The following DNAH12 variants were observed in gnomAD, a reference collection of about 807,000 sequenced individuals.
DNAH12 encodes dynein axonemal heavy chain 12.
In DNAH12, 285 loss-of-function variants were observed where a neutral mutation model predicts 371.5. That is an observed-to-expected ratio of 0.77 (90% CI 0.70 to 0.85). DNAH12 has a LOEUF of 0.85. Among genes scored for constraint, DNAH12 ranks in the 40% least tolerant of loss-of-function variants. The pLI, the probability that DNAH12 is intolerant of heterozygous loss-of-function variation, is 0.00. For synonymous variants in DNAH12, 1,200 were observed against 1,213.0 expected (o/e 0.99, Z 0.22); for missense variants, 3,611 against 3,689.4 (o/e 0.98, Z 0.55).
chr3:57,457,652 G>C, intron 22 of DNAH12, 69 bp downstream of exon 22: 4 of 1,431,562 alleles, frequency 2.8e-6, no homozygotes, highest in Non-Finnish European at 3.7e-6. Context: ...TTAATTTACT[G>C]GTTTCCAAAA....
chr3:57,408,716 G>A (rs1232440592), intron 39 of DNAH12, among the ~76,000 whole-genome samples, 181 bp from the exon 40 acceptor site: 138 of 150,982 alleles, frequency 9.1e-4, no homozygotes, highest in Non-Finnish European at 1.6e-3. Context: ...TCCCCTCAGT[G>A]ACTGATTCTG....
chr3:57,330,680 T>A (rs2062074824), intron 62 of DNAH12, among the ~76,000 whole-genome samples: 2 of 150,370 alleles, frequency 1.3e-5, no homozygotes, highest in Admixed American at 1.3e-4. Context: ...AACCTGCACA[T>A]TGTGCACATG....
At chr3:57,352,932 T>C (rs758607893) in intron 59 of DNAH12, among the ~76,000 whole-genome samples, 9 of 151,798 alleles carry the variant, frequency 5.9e-5, no homozygotes, top group Non-Finnish European at 1.0e-4. Flanking sequence ...CTACTAAAAA[T>C]ACAAAAATTA....
chr3:57,340,786 A>G (rs2062374704), intron 60 of DNAH12, among the ~76,000 whole-genome samples: 2 of 152,188 alleles, frequency 1.3e-5, no homozygotes, highest in South Asian at 4.1e-4. Context: ...AGGGGAGGGA[A>G]TTCTTCCAAA....
chr3:57,526,803 G>A (rs1424865181), intron 2 of DNAH12, among the ~76,000 whole-genome samples: 2 of 151,872 alleles, frequency 1.3e-5, no homozygotes, highest in African/African-American at 2.4e-5. Flanking sequence ...GATTATAGGC[G>A]TGAGCACTGC....
chr3:57,338,030 C>T (rs1413005932), intron 60 of DNAH12, among the ~76,000 whole-genome samples: 1 of 152,130 alleles, frequency 6.6e-6, no homozygotes, highest in Non-Finnish European at 1.5e-5. Context: ...TCTTCTCTCT[C>T]TTTCCACGGT....
rs953981726 is a variant in DNAH12, at chr3:57,445,154, T to C, written c.4425+20A>G. 1.0e-5 allele frequency: 15 copies of C among 1,504,050 alleles called. No homozygotes were observed. In the African/African-American group the frequency reaches 1.8e-4, roughly 18 times the overall value. 93.2% of individuals were successfully genotyped at this position (1,504,050 alleles called of 1,614,324 possible). On this transcript the variant is annotated intron_variant, in intron 28 of 73. Coordinates refer to ENST00000495027, the MANE Select transcript of DNAH12 (RefSeq NM_001366028.2). Reference sequence around the variant, plus strand: ...TATCTTTCTACTGAAACTTTCCCAATGTGTATATTTAATACTTACAAGTAT... The same window carrying C: ...TATCTTTCTACTGAAACTTTCCCAACGTGTATATTTAATACTTACAAGTAT...
intron 2 of DNAH12, among the ~76,000 whole-genome samples, chr3:57,526,487 C>T (rs1247606391): frequency 6.7e-6 from 1 of 149,424 alleles, no homozygotes; most frequent in African/African-American, 2.4e-5. Flanking sequence ...GACAGAGCAG[C>T]CCATTCATCT....
intron 7 of DNAH12, among the ~76,000 whole-genome samples, 153 bp downstream of exon 7, chr3:57,508,229 C>T (rs1383736954): frequency 6.8e-6 from 1 of 147,756 alleles, no homozygotes; most frequent in African/African-American, 2.5e-5. Context: ...AAAAAACCCA[C>T]ACAATTGTTG....
chr3:57,510,686 T>G (rs150367500), intron 5 of DNAH12, 104 bp downstream of exon 5: 1 of 969,680 alleles, frequency 1.0e-6, no homozygotes, highest in Non-Finnish European at 1.6e-6. Context: ...ATAGTTTAAA[T>G]ACATAGTGTT....
intron 11 of DNAH12, among the ~76,000 whole-genome samples, chr3:57,494,158 G>A (rs1405284723): frequency 6.6e-6 from 1 of 152,170 alleles, no homozygotes. Flanking sequence ...GCTTGAGCCA[G>A]GGAGGTCAAG....
In DNAH12 at chr3:57,405,852, A is replaced by G. The variant is rs2064009336; in HGVS notation, c.6377T>C (p.Leu2126Pro). ...DFSRVIRGCLLIERDAVANKH... is the reference protein window; with the variant it reads ...DFSRVIRGCLPIERDAVANKH... Reference sequence around the variant, plus strand: ...GTTCGCCACGGCGTCTCTTTCAATGAGTAAACAGCCCCGGATGACGCGTGA... The same window carrying G: ...GTTCGCCACGGCGTCTCTTTCAATGGGTAAACAGCCCCGGATGACGCGTGA... The change falls in exon 41 of 74, where the codon CTC becomes CCC. Residue 2126 changes from leucine to proline, a missense_variant. Leu to Pro is a moderately conservative substitution (Grantham distance 98). Around this residue, in one of 3 missense-constraint regions of DNAH12, gnomAD observed 2,266 missense variants for 2,236.9 expected, o/e 1.01. Transcript: ENST00000495027. The G allele has an allele frequency of 1.9e-6, 3 of 1,551,726 alleles. No homozygotes were observed. Among genetic ancestry groups the G allele is most frequent in the Non-Finnish European group, 2.6e-6 (3 of 1,146,978 alleles).
chr3:57,441,754 T>C (rs1221740899), intron 29 of DNAH12, among the ~76,000 whole-genome samples: 1 of 152,066 alleles, frequency 6.6e-6, no homozygotes, highest in African/African-American at 2.4e-5. Flanking sequence ...ATCATGCCAC[T>C]GCACTCCAGC....
intron 12 of DNAH12, among the ~76,000 whole-genome samples, chr3:57,486,850 T>C (rs1213552435): frequency 6.6e-6 from 1 of 150,838 alleles, no homozygotes; most frequent in Admixed American, 6.6e-5. Flanking sequence ...TGAAGAAAAA[T>C]AAAGCAACAT....
At position 57,314,603 on chromosome 3, in the gene DNAH12, C is replaced by A; in HGVS notation, c.10553G>T (p.Cys3518Phe). The A allele has an allele frequency of 6.5e-7, 1 of 1,549,104 alleles. No homozygotes were observed. Among genetic ancestry groups the A allele is most frequent in the South Asian group, 1.2e-5 (1 of 83,260 alleles). ...LAWEKLLFGVCFFHALVQERK... is the reference protein window; with the variant it reads ...LAWEKLLFGVFFFHALVQERK... Reference sequence around the variant, plus strand: ...CTCTTGCACAAGGGCATGAAAAAAACAAACTCCAAACAGTAACTTCTCCCA... The same window carrying A: ...CTCTTGCACAAGGGCATGAAAAAAAAAAACTCCAAACAGTAACTTCTCCCA... The change falls in exon 66 of 74, where the codon TGT becomes TTT. Residue 3518 changes from cysteine to phenylalanine, a missense_variant. Cys to Phe is a radical substitution (Grantham distance 205, BLOSUM62 -2). Transcript: ENST00000495027.
intron 65 of DNAH12, among the ~76,000 whole-genome samples, chr3:57,321,458 T>C (rs2153291313): frequency 6.6e-6 from 1 of 152,336 alleles, no homozygotes; most frequent in African/African-American, 2.4e-5. Flanking sequence ...TAATGTTTCA[T>C]GTGCCCAATT....
In DNAH12 at chr3:57,445,609, A is replaced by T. The variant is rs961520107; in HGVS notation, c.4180-190T>A. On this transcript the variant is annotated intron_variant, in intron 27 of 73. Transcript: ENST00000495027. ...TTAGTATTTTTTTGGATGTTTAAAA[A>T]AGTTTTGGGAGGGAAATTACAATTT... 2.0e-5 allele frequency among the ~76,000 whole-genome samples: 3 copies of T among 152,066 alleles called. No individual in the cohort carries two copies. In the South Asian group the frequency reaches 6.2e-4, roughly 31 times the overall value.
intron 30 of DNAH12, among the ~76,000 whole-genome samples, chr3:57,435,868 T>C (rs2065106980): frequency 1.2e-5 from 1 of 82,678 alleles, no homozygotes; most frequent in African/African-American, 4.5e-5. Context: ...ATTCCCTCTA[T>C]TTTTGTATGT....
chr3:57,334,982 TAAAA>T, intron 60 of DNAH12, 42 bp from the exon 61 acceptor site: 1 of 1,511,196 alleles, frequency 6.6e-7, no homozygotes, highest in Non-Finnish European at 8.9e-7. Flanking sequence ...TTGTTGATTT[TAAAA>T]TTGAATGATG....
Sources: gnomAD v4.1 joint callset for allele counts (sites outside exome capture counted in the v4.1 genomes callset) on GRCh38, gnomAD v4.1.1 for gene constraint, gnomAD v4.1.1 regional missense constraint, MANE v1.5 for transcripts, NCBI Gene and HGNC (gene_info 2026-07-23, HGNC 2026-07-21) for gene names.